Variants in SMARCA2 observed in about 807,000 individuals in gnomAD.
SMARCA2 encodes SWI/SNF related BAF chromatin remodeling complex subunit ATPase 2.
SMARCA2 carries 61 observed loss-of-function variants against 199.8 expected under a neutral mutation model. The ratio of observed to expected loss-of-function variants is 0.31; its 90% CI spans 0.25 to 0.38. The LOEUF is 0.38. Among genes scored for constraint, SMARCA2 ranks in the 10% least tolerant of loss-of-function variants. SMARCA2 has a pLI of 1.00. For synonymous variants in SMARCA2, 935 were observed against 732.0 expected, an observed-to-expected ratio of 1.28 and a Z score of -4.48; for missense variants, 1,344 against 2,012.2, an observed-to-expected ratio of 0.67 and a Z score of 6.35.
At chr9:2,145,037 T>A (rs1824665167) in intron 27 of SMARCA2, among the ~76,000 whole-genome samples, 1 of 152,168 alleles carries the variant, frequency 6.6e-6, no homozygotes, top group Admixed American at 6.5e-5. Context: ...TGGTGGCTCA[T>A]GCCTGTAATC....
intron 19 of SMARCA2, among the ~76,000 whole-genome samples, chr9:2,095,376 A>T (rs1287464791): frequency 2.6e-5 from 4 of 152,016 alleles, no homozygotes; most frequent in Non-Finnish European, 5.9e-5. Flanking sequence ...GAGCCACCGC[A>T]CCGGGCCAAA....
chr9:2,177,418 A>G (rs1456849935), intron 29 of SMARCA2, among the ~76,000 whole-genome samples: 23 of 152,316 alleles, frequency 1.5e-4, no homozygotes, highest in Admixed American at 7.8e-4. Flanking sequence ...AGCACTATCT[A>G]TTAGCTATTC....
Position 2,151,588 on chromosome 9 carries a change from G to C in SMARCA2, c.3982-10098G>C, listed in dbSNP as rs569484020. On this transcript the variant is annotated intron_variant, in intron 27 of 33. Coordinates refer to ENST00000349721, the MANE Select transcript of SMARCA2 (RefSeq NM_003070.5). ...CTTTACTAAAAATACAAAAAAATTG[G>C]CTGGGCCCAGTGGTGCCTGCCTGTA... 2.0e-5 allele frequency among the ~76,000 whole-genome samples: 3 copies of C among 152,132 alleles called. No homozygotes were observed. The East Asian group carries it at 5.8e-4, about 29-fold the overall frequency.
chr9:2,192,561 TTC>T (rs1827958191), intron 33 of SMARCA2, 141 bp from the exon 34 acceptor site: 2 of 719,760 alleles, frequency 2.8e-6, no homozygotes, highest in Non-Finnish European at 5.1e-6. Flanking sequence ...TTTAATGTGT[TTC>T]TGTCCTCCCA....
At chr9:2,172,727 C>T (rs867230178) in intron 29 of SMARCA2, among the ~76,000 whole-genome samples, 7 of 152,086 alleles carry the variant, frequency 4.6e-5, no homozygotes, top group Non-Finnish European at 7.4e-5. Context: ...AGGAGGCCAA[C>T]GGAGAGCACA....
chr9:2,170,607 G>A lies in SMARCA2; in HGVS notation c.4253+135G>A, dbSNP rs117087869. On this transcript the variant is annotated intron_variant, in intron 29 of 33. Coordinates refer to ENST00000349721, the MANE Select transcript of SMARCA2 (RefSeq NM_003070.5). This position sits in a 1 kb window ranked among gnomAD's most constrained non-coding sequence, Gnocchi z 4.7. Reference sequence around the variant, plus strand: ...CCTGATCACCCCTACTTGGAGAGCGGGATAGAGGCACAGATACTCTTAAAC... The same window carrying A: ...CCTGATCACCCCTACTTGGAGAGCGAGATAGAGGCACAGATACTCTTAAAC... The A allele has an allele frequency of 0.012, 17,415 of 1,408,214 alleles. 139 individuals are homozygous for A. Among genetic ancestry groups the A allele is most frequent in the Non-Finnish European group, 0.014 (14,731 of 1,022,614 alleles). The allele number at this position is 1,408,214 out of a possible 1,614,324, so 87.2% of individuals were successfully genotyped here. A position where few individuals can be genotyped will look rare whatever the true frequency, so the allele number is the denominator to read the frequency against.
chr9:2,070,135 C>A (rs538286429), intron 9 of SMARCA2, among the ~76,000 whole-genome samples: 2 of 152,216 alleles, frequency 1.3e-5, no homozygotes, highest in African/African-American at 2.4e-5. Context: ...TGTCTTGATA[C>A]TGCCCTGTCT....
At position 2,193,322 on chromosome 9, in the gene SMARCA2, A is replaced by G. The variant is rs1458488261; in HGVS notation, c.*583A>G. 1 of 152,640 alleles carries G rather than the reference A, an allele frequency of 6.6e-6. No homozygotes were observed. The highest frequency in any genetic ancestry group is 1.5e-5 in the Non-Finnish European group (1 of 68,068). 9.5% of individuals were successfully genotyped at this position (152,640 alleles called of 1,614,324 possible). A position where few individuals can be genotyped will look rare whatever the true frequency, so the allele number is the denominator to read the frequency against. ...TGAACAAAAGCTTTTTGAATTGTAT[A>G]AGATTTATGTCTACTGTAAACATTG... On this transcript the variant is annotated 3_prime_UTR_variant, in exon 34 of 34. Coordinates refer to ENST00000349721, the MANE Select transcript of SMARCA2 (RefSeq NM_003070.5).
At chr9:2,183,517 G>T (rs550177367) in intron 31 of SMARCA2, among the ~76,000 whole-genome samples, 2 of 152,286 alleles carry the variant, frequency 1.3e-5, no homozygotes, top group South Asian at 4.1e-4. Flanking sequence ...CCATGAAGAA[G>T]AAAGAAAAAG....
At chr9:2,052,494 CAAT>C (rs1820165986) in intron 5 of SMARCA2, among the ~76,000 whole-genome samples, 1 of 151,852 alleles carries the variant, frequency 6.6e-6, no homozygotes, top group Admixed American at 6.6e-5. Flanking sequence ...AAAGAAAAAA[CAAT>C]AACGACAGCA....
At chr9:2,040,044 T>C in intron 4 of SMARCA2, 144 bp downstream of exon 4, 1 of 1,427,408 alleles carries the variant, frequency 7.0e-7, no homozygotes, top group African/African-American at 1.4e-5. Context: ...TTGCTCCACT[T>C]AGATGGCCAA....
intron 27 of SMARCA2, among the ~76,000 whole-genome samples, chr9:2,150,572 G>A (rs370976332): frequency 6.6e-6 from 1 of 151,692 alleles, no homozygotes; most frequent in Non-Finnish European, 1.5e-5. Context: ...TCCGAGGGGT[G>A]TGTTATATGT....
Position 2,187,653 on chromosome 9 carries a change from G to A in SMARCA2, c.4594+1425G>A, listed in dbSNP as rs927875691. Reference sequence around the variant, plus strand: ...GATCATACCGCTGCCCTCCAGCCTGGGCAACAGAACAAAACTCTATCTAAA... The same window carrying A: ...GATCATACCGCTGCCCTCCAGCCTGAGCAACAGAACAAAACTCTATCTAAA... On this transcript the variant is annotated intron_variant, in intron 32 of 33. Transcript: ENST00000349721. Among the ~76,000 whole-genome samples, 10 of 151,638 alleles carry A rather than the reference G, an allele frequency of 6.6e-5. No individual in the cohort carries two copies. The South Asian group carries it at 1.9e-3, about 28-fold the overall frequency.
chr9:2,176,380 A>T (rs1379856899), intron 29 of SMARCA2, among the ~76,000 whole-genome samples: 1 of 152,142 alleles, frequency 6.6e-6, no homozygotes, highest in African/African-American at 2.4e-5. Context: ...GTAGATTACC[A>T]AAAGTAAAAT....
intron 27 of SMARCA2, among the ~76,000 whole-genome samples, chr9:2,156,353 G>A (rs200263781): frequency 4.4e-5 from 6 of 136,060 alleles, no homozygotes; most frequent in African/African-American, 1.6e-4. Context: ...TAGATAATTT[G>A]GTTTCTTTTC....
intron 27 of SMARCA2, among the ~76,000 whole-genome samples, chr9:2,133,646 T>TA (rs200883154): frequency 0.019 from 2,601 of 139,850 alleles, 66 homozygotes; most frequent in African/African-American, 0.062. Context: ...TGTCAGGATT[T>TA]AAAAAAAAAA....
chr9:2,113,346 A>G (rs1823085627), intron 24 of SMARCA2, among the ~76,000 whole-genome samples: 1 of 152,140 alleles, frequency 6.6e-6, no homozygotes, highest in Non-Finnish European at 1.5e-5. Context: ...TTTTTTACCC[A>G]CGGAGCTGCA....
At chr9:2,069,216 G>C (rs543011769) in intron 9 of SMARCA2, among the ~76,000 whole-genome samples, 7 of 151,434 alleles carry the variant, frequency 4.6e-5, no homozygotes, top group African/African-American at 1.5e-4. Flanking sequence ...GCACCCGGCC[G>C]ATATGACATA....
At chr9:2,069,566 A>T (rs1244695876) in intron 9 of SMARCA2, among the ~76,000 whole-genome samples, 1 of 152,028 alleles carries the variant, frequency 6.6e-6, no homozygotes. Context: ...CTCAAAAAAA[A>T]AAAAAAGAAA....
Sources: gnomAD v4.1 joint callset for allele counts (sites outside exome capture counted in the v4.1 genomes callset) on GRCh38, gnomAD v4.1.1 for gene constraint, Gnocchi (gnomAD v3.1) non-coding constraint, MANE v1.5 for transcripts, NCBI Gene and HGNC (gene_info 2026-07-23, HGNC 2026-07-21) for gene names.